Variants in CSMD3 observed in about 807,000 individuals in gnomAD.
The protein encoded by CSMD3 is CUB and sushi domain-containing protein 3.
CSMD3 carries 177 observed loss-of-function variants against 435.2 expected under a neutral mutation model. The observed-to-expected ratio is 0.41, with a 90% CI of 0.36 to 0.46. CSMD3 has a LOEUF of 0.46. CSMD3 is among the 20% of genes least tolerant of loss of function. The probability of loss-of-function intolerance (pLI) is 0.34; values close to 1 mark genes in which losing one functional copy is unlikely to be tolerated. For missense variants in CSMD3, 4,265 were observed against 4,504.6 expected, an observed-to-expected ratio of 0.95 and a Z score of 1.52; for synonymous variants, 1,656 against 1,520.5, an observed-to-expected ratio of 1.09 and a Z score of -2.07.
At chr8:112,296,405 G>C (rs1820277573) in intron 53 of CSMD3, among the ~76,000 whole-genome samples, 1 of 151,990 alleles carries the variant, frequency 6.6e-6, no homozygotes, top group African/African-American at 2.4e-5. Flanking sequence ...CAAAAAATTA[G>C]CCAGGCATGG....
chr8:113,156,684 T>C lies in CSMD3; in HGVS notation c.709+17038A>G, dbSNP rs139522526. 4.6e-3 allele frequency among the ~76,000 whole-genome samples: 698 copies of C among 151,584 alleles called. 5 individuals carry two copies. The highest frequency in any genetic ancestry group is 0.015 in the African/African-American group (609 of 41,362). ...GGGAGGCTGAGGAAGGTGGATCACA[T>C]GAGCCAAGGAGTTGGAGACCAGCTT... On this transcript the variant is annotated intron_variant, in intron 4 of 70. Coordinates refer to ENST00000297405, the MANE Select transcript of CSMD3 (RefSeq NM_198123.2).
chr8:112,692,519 T>C (rs1349072153), intron 13 of CSMD3, among the ~76,000 whole-genome samples: 1 of 152,180 alleles, frequency 6.6e-6, no homozygotes, highest in Non-Finnish European at 1.5e-5. Context: ...TTAATCAAGT[T>C]GAAATTATTT....
At chr8:113,112,452 T>C (rs1422066610) in intron 4 of CSMD3, among the ~76,000 whole-genome samples, 62 of 40,978 alleles carry the variant, frequency 1.5e-3, no homozygotes, top group East Asian at 2.5e-3. Flanking sequence ...TATATATGTA[T>C]ATACACACAC....
At chr8:112,365,515 T>G (rs1827698887) in intron 38 of CSMD3, among the ~76,000 whole-genome samples, 1 of 149,738 alleles carries the variant, frequency 6.7e-6, no homozygotes, top group African/African-American at 2.5e-5. Context: ...TCTACCATCT[T>G]CTTATAACAT....
chr8:112,707,802 C>T (rs112049612), intron 13 of CSMD3, among the ~76,000 whole-genome samples: 3,859 of 152,044 alleles, frequency 0.025, 78 homozygotes, highest in East Asian at 0.074. Context: ...CATTTTAACT[C>T]TTATAAATTC....
chr8:112,296,959 T>G (rs963966142), intron 53 of CSMD3, among the ~76,000 whole-genome samples: 2 of 151,896 alleles, frequency 1.3e-5, no homozygotes, highest in South Asian at 4.1e-4. Flanking sequence ...AACAGCTTTA[T>G]GCCAATACAT....
At position 112,398,142 on chromosome 8, in the gene CSMD3, AC is replaced by A. The variant is rs141062973; in HGVS notation, c.5810-7355del. Among the ~76,000 whole-genome samples the A allele has an allele frequency of 1.7e-3, 264 of 152,264 alleles. 2 individuals carry two copies. Among genetic ancestry groups the A allele is most frequent in the African/African-American group, 5.9e-3 (244 of 41,554 alleles). On this transcript the variant is annotated intron_variant, in intron 35 of 70. Coordinates refer to ENST00000297405, the MANE Select transcript of CSMD3 (RefSeq NM_198123.2). ...GTAACAGATCTTAAGCAGGACCAAAACCTTAAAATTCAAGAAGAATCTCTTT... is the reference window on the plus strand; with the variant it reads ...GTAACAGATCTTAAGCAGGACCAAAACTTAAAATTCAAGAAGAATCTCTTT...
At chr8:112,531,730 A>G (rs551356442) in intron 27 of CSMD3, among the ~76,000 whole-genome samples, 4 of 152,276 alleles carry the variant, frequency 2.6e-5, no homozygotes, top group South Asian at 4.1e-4. Context: ...AATTTTTGAA[A>G]TGTTCTCTGA....
chr8:112,633,047 T>C (rs936000770), intron 22 of CSMD3, among the ~76,000 whole-genome samples: 5 of 152,082 alleles, frequency 3.3e-5, no homozygotes, highest in Non-Finnish European at 7.4e-5. Context: ...AAAACTTTCA[T>C]CTTGATTACT....
intron 57 of CSMD3, 54 bp downstream of exon 57, chr8:112,289,311 C>G: frequency 7.2e-7 from 1 of 1,382,624 alleles, no homozygotes; most frequent in Non-Finnish European, 1.0e-6. Context: ...GCTACTACTA[C>G]TACTAACAAT....
rs369470031 is a variant in CSMD3 at position 112,579,110 on chromosome 8, G to A, written c.3886-5453C>T. Among the ~76,000 whole-genome samples, 10 of 151,930 alleles carry A rather than the reference G, an allele frequency of 6.6e-5. No homozygotes were observed. In the East Asian group the frequency reaches 1.9e-3, roughly 29 times the overall value. On this transcript the variant is annotated intron_variant, in intron 23 of 70. Coordinates refer to ENST00000297405, the MANE Select transcript of CSMD3 (RefSeq NM_198123.2). ...CATCTTTAATGTTAACAAATAAAAG[G>A]AAAGTGAAAAATCAAAAACAGGATT...
At chr8:112,913,336 G>C (rs550130731) in intron 10 of CSMD3, among the ~76,000 whole-genome samples, 1 of 151,580 alleles carries the variant, frequency 6.6e-6, no homozygotes, top group Non-Finnish European at 1.5e-5. Flanking sequence ...TAGGGTTCAC[G>C]CTCCTATGAC....
chr8:112,408,780 T>C (rs761152928), intron 33 of CSMD3, 139 bp downstream of exon 33: 103 of 1,391,712 alleles, frequency 7.4e-5, no homozygotes, highest in Non-Finnish European at 9.4e-5. Context: ...TTCTATTCTT[T>C]AGAAAAAAAA....
At chr8:113,101,112 A>G (rs1486646706) in intron 4 of CSMD3, among the ~76,000 whole-genome samples, 1 of 152,152 alleles carries the variant, frequency 6.6e-6, no homozygotes, top group Non-Finnish European at 1.5e-5. Flanking sequence ...CAATTAAAGA[A>G]AGATGATTCT....
intron 12 of CSMD3, among the ~76,000 whole-genome samples, chr8:112,803,895 A>G (rs963730112): frequency 6.6e-6 from 1 of 152,204 alleles, no homozygotes; most frequent in Non-Finnish European, 1.5e-5. Context: ...GAGTTCTGCA[A>G]TCAGCAGACT....
At chr8:112,410,501 T>C (rs1332954893) in intron 32 of CSMD3, among the ~76,000 whole-genome samples, 2 of 140,798 alleles carry the variant, frequency 1.4e-5, no homozygotes, top group South Asian at 2.2e-4. Flanking sequence ...TCCAAATATA[T>C]ATATATATAT....
intron 3 of CSMD3, among the ~76,000 whole-genome samples, chr8:113,245,531 C>A (rs536132964): frequency 6.6e-6 from 1 of 151,956 alleles, no homozygotes; most frequent in African/African-American, 2.4e-5. Context: ...TTAATATATG[C>A]CATCTTCTCC....
intron 1 of CSMD3, among the ~76,000 whole-genome samples, chr8:113,317,758 A>C (rs936497944): frequency 6.6e-6 from 1 of 152,072 alleles, no homozygotes; most frequent in Non-Finnish European, 1.5e-5. Context: ...TGTTTTTCTT[A>C]CTAGGCCTTT....
chr8:112,312,406 C>G lies in CSMD3; in HGVS notation c.7697-1240G>C, dbSNP rs531902452. On this transcript the variant is annotated intron_variant, in intron 49 of 70. Coordinates refer to ENST00000297405, the MANE Select transcript of CSMD3 (RefSeq NM_198123.2). ...AGTAGGTAGGATTACAGGTGCCCAC[C>G]ACCATGCCCAGCTAAGTTTTTGTAT... is the stretch of plus-strand genomic sequence containing the variant. Among the ~76,000 whole-genome samples the G allele has an allele frequency of 4.6e-5, 7 of 152,130 alleles. No individual in the cohort carries two copies. The South Asian group carries it at 1.0e-3, about 23-fold the overall frequency.
Sources: allele counts gnomAD v4.1 joint callset (sites outside exome capture counted in the v4.1 genomes callset), GRCh38; gene constraint gnomAD v4.1.1; transcripts MANE v1.5; gene names NCBI Gene and HGNC (gene_info 2026-07-23, HGNC 2026-07-21).